The following SH3RF2 variants were observed in gnomAD, a reference collection of about 807,000 sequenced individuals.
SH3RF2 encodes the protein E3 ubiquitin-protein ligase SH3RF2.
SH3RF2 carries 43 observed loss-of-function variants against 59.0 expected under a neutral mutation model. The observed-to-expected ratio is 0.73, with a 90% CI of 0.57 to 0.94. The LOEUF is 0.94. Among genes scored for constraint, SH3RF2 ranks in the 40% least tolerant of loss-of-function variants. The probability of loss-of-function intolerance (pLI) is 0.00; values close to 1 mark genes in which losing one functional copy is unlikely to be tolerated. For synonymous variants in SH3RF2, 391 were observed against 391.5 expected, an observed-to-expected ratio of 1.00 and a Z score of 0.01; for missense variants, 930 against 940.1, an observed-to-expected ratio of 0.99 and a Z score of 0.14.
At chr5:145,997,142 A>G (rs1352741690) in intron 2 of SH3RF2, 2 of 673,256 alleles carry the variant, frequency 3.0e-6, no homozygotes, top group Admixed American at 2.4e-5. Context: ...CCAGCAATGA[A>G]TGAGACTTCC....
chr5:145,988,491 T>C (rs1386951981), intron 2 of SH3RF2, among the ~76,000 whole-genome samples: 2 of 152,010 alleles, frequency 1.3e-5, no homozygotes, highest in Non-Finnish European at 2.9e-5. Context: ...TAGCCCCAAT[T>C]TGTGGATGGT....
intron 2 of SH3RF2, among the ~76,000 whole-genome samples, chr5:145,974,108 CT>C (rs1759192679): frequency 6.6e-6 from 1 of 152,138 alleles, no homozygotes; most frequent in African/African-American, 2.4e-5. Context: ...AGAACATTTC[CT>C]TGTGGCTGTA....
chr5:145,964,720 G>T (rs1758793531), intron 2 of SH3RF2, among the ~76,000 whole-genome samples: 1 of 152,100 alleles, frequency 6.6e-6, no homozygotes, highest in Non-Finnish European at 1.5e-5. Flanking sequence ...GTAGAGATTT[G>T]CCCTGTGTCC....
intron 8 of SH3RF2, among the ~76,000 whole-genome samples, chr5:146,058,501 C>T (rs1392811921): frequency 1.3e-5 from 2 of 152,196 alleles, no homozygotes; most frequent in African/African-American, 4.8e-5. Flanking sequence ...CTGTGTTTAG[C>T]GAGTGTCCTG....
chr5:145,945,849 C>T (rs1408543499), intron 2 of SH3RF2, among the ~76,000 whole-genome samples: 1 of 152,172 alleles, frequency 6.6e-6, no homozygotes, highest in Non-Finnish European at 1.5e-5. Flanking sequence ...GTATCTACAG[C>T]AACTTCTTGG....
intron 2 of SH3RF2, among the ~76,000 whole-genome samples, chr5:145,972,193 C>A (rs1759110116): frequency 6.6e-6 from 1 of 151,420 alleles, no homozygotes; most frequent in Non-Finnish European, 1.5e-5. Context: ...AACTTAACAG[C>A]ATTAATTCAT....
intron 2 of SH3RF2, among the ~76,000 whole-genome samples, chr5:145,954,869 G>GAA (rs200903060): frequency 8.2e-6 from 1 of 121,348 alleles, no homozygotes; most frequent in East Asian, 3.6e-4. Context: ...AGCAAGGAGC[G>GAA]AGAGAGAGAG....
intron 5 of SH3RF2, among the ~76,000 whole-genome samples, chr5:146,016,470 A>G (rs1761111146): frequency 6.6e-6 from 1 of 152,120 alleles, no homozygotes; most frequent in Admixed American, 6.5e-5. Context: ...CTCTGATAGA[A>G]AAGTCTCCTT....
chr5:145,997,829 A>G, intron 2 of SH3RF2: 1 of 1,426,208 alleles, frequency 7.0e-7, no homozygotes. Flanking sequence ...CCGAAATAGA[A>G]GTACCTGCAA....
chr5:145,998,673 G>A (rs958167596), intron 2 of SH3RF2, among the ~76,000 whole-genome samples: 1 of 152,176 alleles, frequency 6.6e-6, no homozygotes, highest in Admixed American at 6.5e-5. Flanking sequence ...TGCCCTTTGG[G>A]AGGCCAAGGT....
chr5:146,033,451 CTTTTTTTTTTTT>C (rs558717056), intron 5 of SH3RF2, among the ~76,000 whole-genome samples: 11 of 71,868 alleles, frequency 1.5e-4, no homozygotes, highest in Admixed American at 5.2e-4. Context: ...TAGCCCTTAG[CTTTTTTTTTTTT>C]TTTTTTTTTT....
At chr5:145,992,644 G>C (rs6893852) in intron 2 of SH3RF2, among the ~76,000 whole-genome samples, 106,638 of 151,624 alleles carry the variant, frequency 0.7, 39,181 homozygotes, top group African/African-American at 0.93. Flanking sequence ...TGACAGCAGG[G>C]AGAGAGAGCT....
At chr5:146,010,832 C>T (rs1165614705) in intron 4 of SH3RF2, among the ~76,000 whole-genome samples, 3 of 152,100 alleles carry the variant, frequency 2.0e-5, no homozygotes, top group Non-Finnish European at 4.4e-5. Context: ...TGTAGGTTGC[C>T]TGTTCACTCC....
intron 2 of SH3RF2, among the ~76,000 whole-genome samples, chr5:145,993,884 G>C (rs1285282403): frequency 1.3e-5 from 2 of 152,214 alleles, no homozygotes; most frequent in Non-Finnish European, 2.9e-5. Flanking sequence ...GCAGCCTGCA[G>C]CGGGCTTCAA....
chr5:146,059,751 A>T, intron 8 of SH3RF2, 115 bp from the exon 9 acceptor site: 1 of 684,494 alleles, frequency 1.5e-6, no homozygotes, highest in Non-Finnish European at 2.3e-6. Flanking sequence ...GAGTGCAGTC[A>T]GATTAGGAAA....
intron 2 of SH3RF2, among the ~76,000 whole-genome samples, chr5:145,946,586 T>C (rs1001904503): frequency 1.3e-5 from 2 of 152,204 alleles, no homozygotes; most frequent in Non-Finnish European, 2.9e-5. Context: ...AATCACCTTA[T>C]TAAATACCTT....
At chr5:146,003,776 A>G (rs1444105632) in intron 3 of SH3RF2, among the ~76,000 whole-genome samples, 2 of 152,214 alleles carry the variant, frequency 1.3e-5, no homozygotes, top group Admixed American at 1.3e-4. Context: ...TTAAATGAAA[A>G]GCTTGGACCC....
At chr5:146,001,981 G>A (rs1308642715) in intron 3 of SH3RF2, among the ~76,000 whole-genome samples, 8 of 152,164 alleles carry the variant, frequency 5.3e-5, no homozygotes, top group African/African-American at 1.9e-4. Context: ...TCAGTAAATT[G>A]TGTAATTTAT....
chr5:145,963,289 T>TGGA lies in SH3RF2; in HGVS notation c.378+24983_378+24984insGGA, dbSNP rs1211753645. Among the ~76,000 whole-genome samples the TGGA allele has an allele frequency of 1.8e-3, 255 of 142,196 alleles. 2 individuals are homozygous for TGGA. Among genetic ancestry groups the TGGA allele is most frequent in the African/African-American group, 6.6e-3 (212 of 32,340 alleles). 93.3% of individuals were successfully genotyped at this position (142,196 alleles called of 152,430 possible). ...ATGGATGGATGGATGGATGGATGGATTAATAACTATACATTTATAGAGGTA... is the reference window on the plus strand; with the variant it reads ...ATGGATGGATGGATGGATGGATGGATGGATAATAACTATACATTTATAGAGGTA... On this transcript the variant is annotated intron_variant, in intron 2 of 9. Transcript: ENST00000359120.
Sources: allele counts gnomAD v4.1 joint callset (sites outside exome capture counted in the v4.1 genomes callset), GRCh38; gene constraint gnomAD v4.1.1; transcripts MANE v1.5; gene names NCBI Gene and HGNC (gene_info 2026-07-23, HGNC 2026-07-21).